The following LINGO2 variants were observed in gnomAD, a reference collection of about 807,000 sequenced individuals.
The protein encoded by LINGO2 is leucine-rich repeat and immunoglobulin-like domain-containing nogo receptor-interacting protein 2.
In LINGO2, 14 loss-of-function variants were observed where a neutral mutation model predicts 30.6. The ratio of observed to expected loss-of-function variants is 0.46; its 90% CI spans 0.30 to 0.72. LINGO2 has a LOEUF of 0.72. Among genes scored for constraint, LINGO2 ranks in the 30% least tolerant of loss-of-function variants. The pLI is 0.07. For synonymous variants in LINGO2, 317 were observed against 288.5 expected (o/e 1.10, Z -1.00); for missense variants, 729 against 751.7 (o/e 0.97, Z 0.35).
At chr9:28,120,791 C>T (rs978874372) in intron 4 of LINGO2, among the ~76,000 whole-genome samples, 1 of 152,194 alleles carries the variant, frequency 6.6e-6, no homozygotes, top group African/African-American at 2.4e-5. Context: ...GAAAAGCCTA[C>T]TGTTTCAGTT....
chr9:28,536,751 G>A (rs1378714043), intron 1 of LINGO2, among the ~76,000 whole-genome samples: 1 of 151,938 alleles, frequency 6.6e-6, no homozygotes, highest in African/African-American at 2.4e-5. Context: ...GAATAACAAG[G>A]CTCTTATAAG....
chr9:28,512,731 A>G (rs1820462573), intron 1 of LINGO2, among the ~76,000 whole-genome samples: 1 of 149,390 alleles, frequency 6.7e-6, no homozygotes, highest in Admixed American at 6.7e-5. Context: ...ACACAATCAC[A>G]AGGTCCCACA....
intron 3 of LINGO2, among the ~76,000 whole-genome samples, chr9:28,345,076 A>G (rs1304865551): frequency 6.6e-6 from 1 of 151,762 alleles, no homozygotes; most frequent in African/African-American, 2.4e-5. Context: ...CTCGGCTTTT[A>G]GTGGCTGACG....
At chr9:29,086,824 A>G in the LINGO2 span, among the ~76,000 whole-genome samples, 4 of 151,880 alleles carry the variant, frequency 2.6e-5, no homozygotes, top group African/African-American at 4.8e-5. Context: ...CACAGTTACT[A>G]CTTTGACCAC....
chr9:29,107,033 T>A, the LINGO2 span, among the ~76,000 whole-genome samples: 4 of 152,198 alleles, frequency 2.6e-5, no homozygotes, highest in African/African-American at 7.2e-5. Context: ...CTTGAATCTA[T>A]AACACACACA....
chr9:29,011,574 A>G, the LINGO2 span, among the ~76,000 whole-genome samples: 8 of 152,306 alleles, frequency 5.3e-5, no homozygotes, highest in Admixed American at 2.0e-4. Flanking sequence ...GTGCCTCCAG[A>G]AACACAAGAA....
At chr9:29,204,259 A>C in the LINGO2 span, among the ~76,000 whole-genome samples, 1 of 152,224 alleles carries the variant, frequency 6.6e-6, no homozygotes, top group African/African-American at 2.4e-5. Context: ...CTGAATGCTC[A>C]CTAGGAACCA....
intron 5 of LINGO2, among the ~76,000 whole-genome samples, chr9:27,981,225 C>T (rs1563878287): frequency 6.6e-6 from 1 of 151,732 alleles, no homozygotes; most frequent in Admixed American, 6.6e-5. Flanking sequence ...TTAACATTTA[C>T]ACATCCATTA....
intron 2 of LINGO2, among the ~76,000 whole-genome samples, chr9:28,392,068 T>C (rs1821861681): frequency 6.6e-6 from 1 of 152,112 alleles, no homozygotes; most frequent in Non-Finnish European, 1.5e-5. Context: ...CGGGGCGTGA[T>C]GGCACGTGCC....
the LINGO2 span, among the ~76,000 whole-genome samples, chr9:29,133,862 T>G: frequency 6.6e-6 from 1 of 152,062 alleles, no homozygotes; most frequent in East Asian, 1.9e-4. Flanking sequence ...AAAGCTCAAT[T>G]TGGTCACGCT....
chr9:28,679,078 T>C, the LINGO2 span, among the ~76,000 whole-genome samples: 4 of 152,204 alleles, frequency 2.6e-5, no homozygotes, highest in African/African-American at 9.6e-5. Context: ...CACTCAGCTG[T>C]TTCTCAACTC....
At chr9:28,755,233 T>C in the LINGO2 span, among the ~76,000 whole-genome samples, 1 of 152,068 alleles carries the variant, frequency 6.6e-6, no homozygotes, top group African/African-American at 2.4e-5. Flanking sequence ...TTTCTTAAAG[T>C]ACAAATAAAA....
the LINGO2 span, among the ~76,000 whole-genome samples, chr9:29,165,354 A>T: frequency 1.5e-4 from 23 of 152,122 alleles, no homozygotes; most frequent in Non-Finnish European, 2.5e-4. Context: ...CGGCAGTGAA[A>T]AGAGCAAAGT....
chr9:28,042,177 C>T (rs1424360589), intron 4 of LINGO2, among the ~76,000 whole-genome samples: 1 of 152,166 alleles, frequency 6.6e-6, no homozygotes, highest in Non-Finnish European at 1.5e-5. Flanking sequence ...ATATTATTTA[C>T]TTCCTTTTCT....
the LINGO2 span, among the ~76,000 whole-genome samples, chr9:28,833,174 TAAAGCAGGCACA>T: frequency 6.6e-6 from 1 of 152,296 alleles, no homozygotes; most frequent in African/African-American, 2.4e-5. Context: ...TTTTGCAAGC[TAAAGCAGGCACA>T]TGACTTAGGG....
intron 3 of LINGO2, among the ~76,000 whole-genome samples, chr9:28,318,649 T>C: frequency 6.6e-6 from 1 of 152,178 alleles, no homozygotes. Context: ...TCAATTGTTG[T>C]ATTGTCTATT....
At chr9:28,932,914 T>G in the LINGO2 span, among the ~76,000 whole-genome samples, 2 of 151,736 alleles carry the variant, frequency 1.3e-5, no homozygotes, top group East Asian at 3.9e-4. Context: ...ATTATTATTA[T>G]TATTATTATT....
chr9:28,214,628 A>G (rs1324834257), intron 4 of LINGO2, among the ~76,000 whole-genome samples: 1 of 151,590 alleles, frequency 6.6e-6, no homozygotes, highest in African/African-American at 2.4e-5. Context: ...CCACAGAGGT[A>G]TAGCTCTATA....
intron 1 of LINGO2, among the ~76,000 whole-genome samples, chr9:28,549,250 A>G (rs1587840404): frequency 6.6e-6 from 1 of 152,022 alleles, no homozygotes; most frequent in African/African-American, 2.4e-5. Context: ...TCCATCCCCA[A>G]CTGGTTTTTA....
Sources: gnomAD v4.1 joint callset for allele counts (sites outside exome capture counted in the v4.1 genomes callset) on GRCh38, gnomAD v4.1.1 for gene constraint, MANE v1.5 for transcripts, NCBI Gene and HGNC (gene_info 2026-07-23, HGNC 2026-07-21) for gene names.